ZMYND8: variants seen among roughly 807,000 people sequenced by gnomAD.
The protein encoded by ZMYND8 is MYND-type zinc finger-containing chromatin reader ZMYND8.
Under a neutral mutation model 140.8 loss-of-function variants are expected in ZMYND8, and 37 were observed. The observed-to-expected ratio is 0.26, with a 90% confidence interval of 0.20 to 0.35. The LOEUF is 0.35. Ranked by LOEUF, ZMYND8 falls within the 10% of genes least tolerant of loss-of-function variation. ZMYND8 has a pLI of 1.00. For synonymous variants in ZMYND8, 592 were observed against 597.1 expected (o/e 0.99, Z 0.12); for missense variants, 1,068 against 1,570.0 (o/e 0.68, Z 5.40).
At chr20:47,224,899 TA>T (rs140943292) in intron 18 of ZMYND8, among the ~76,000 whole-genome samples, 12,323 of 149,946 alleles carry the variant, frequency 0.082, 542 homozygotes, top group South Asian at 0.11. Flanking sequence ...TATTATTCAT[TA>T]ACATAAGCCT....
intron 3 of ZMYND8, among the ~76,000 whole-genome samples, chr20:47,306,472 T>C (rs989312771): frequency 2.0e-5 from 3 of 151,830 alleles, no homozygotes; most frequent in Non-Finnish European, 2.9e-5. Flanking sequence ...TCCTAATATA[T>C]GATAAATGGG....
chr20:47,212,571 A>T, intron 22 of ZMYND8, 71 bp downstream of exon 22: 2 of 1,526,330 alleles, frequency 1.3e-6, no homozygotes, highest in Non-Finnish European at 9.1e-7. Context: ...ATACACGGAC[A>T]CACACAGAAC....
Position 47,339,410 on chromosome 20 carries a change from A to G in ZMYND8, c.85+8446T>C, listed in dbSNP as rs549304156. Among the ~76,000 whole-genome samples, 13 of 152,318 alleles carry G rather than the reference A, an allele frequency of 8.5e-5. No individual in the cohort carries two copies. The South Asian group carries it at 2.7e-3, about 32-fold the overall frequency. The stretch of plus-strand genomic sequence containing the variant: ...ATTCTCACCACCTGACAGACCTAGC[A>G]ATAAAAATTCACTGTCTCTAAGTTG... On this transcript the variant is annotated intron_variant, in intron 2 of 22. Coordinates refer to ENST00000471951, the MANE Select transcript of ZMYND8 (RefSeq NM_001281775.3).
In ZMYND8 at chr20:47,316,858, G is replaced by A. The variant is rs1437774817; in HGVS notation, c.86-6654C>T. Among the ~76,000 whole-genome samples the A allele has an allele frequency of 2.0e-5, 3 of 151,928 alleles. No individual in the cohort carries two copies. In the East Asian group the frequency reaches 5.8e-4, roughly 29 times the overall value. ...TATTATATGTGATATTCTAGGCAATGTTCAAAATGCATTTCCTGTAGTCCC... is the reference window on the plus strand; with the variant it reads ...TATTATATGTGATATTCTAGGCAATATTCAAAATGCATTTCCTGTAGTCCC... On this transcript the variant is annotated intron_variant, in intron 2 of 22. Coordinates refer to ENST00000471951, the MANE Select transcript of ZMYND8 (RefSeq NM_001281775.3).
intron 5 of ZMYND8, among the ~76,000 whole-genome samples, chr20:47,292,907 A>T (rs1012077117): frequency 3.3e-5 from 5 of 151,400 alleles, no homozygotes; most frequent in East Asian, 1.9e-4. Context: ...ATAATAATAA[A>T]AAAGTTAGCT....
At chr20:47,278,413 T>C (rs998179100) in intron 10 of ZMYND8, among the ~76,000 whole-genome samples, 2 of 152,330 alleles carry the variant, frequency 1.3e-5, no homozygotes, top group South Asian at 4.1e-4. Context: ...ATCTACTCAG[T>C]TGCTATCCAA....
At chr20:47,217,253 G>T (rs556744250) in intron 21 of ZMYND8, among the ~76,000 whole-genome samples, 1 of 150,406 alleles carries the variant, frequency 6.6e-6, no homozygotes, top group African/African-American at 2.5e-5. Flanking sequence ...GCAGAGCCAC[G>T]CACAAGTGCC....
intron 2 of ZMYND8, among the ~76,000 whole-genome samples, chr20:47,345,942 G>A (rs1436432202): frequency 6.6e-6 from 1 of 152,070 alleles, no homozygotes; most frequent in African/African-American, 2.4e-5. Context: ...ATTGGCATGC[G>A]CCACTGTGCC....
At chr20:47,315,535 C>T (rs2079313846) in intron 2 of ZMYND8, among the ~76,000 whole-genome samples, 1 of 151,910 alleles carries the variant, frequency 6.6e-6, no homozygotes, top group African/African-American at 2.4e-5. Context: ...CTTAAATGCC[C>T]CCCACTCCAG....
At chr20:47,348,052 G>A (rs546540497) in intron 1 of ZMYND8, 126 bp from the exon 2 acceptor site, 9 of 911,876 alleles carry the variant, frequency 9.9e-6, no homozygotes, top group South Asian at 8.1e-5. Flanking sequence ...CCAGGGCTGG[G>A]GGAGGAAACC....
At chr20:47,310,012 C>T in intron 3 of ZMYND8, 44 bp downstream of exon 3, 10 of 1,613,252 alleles carry the variant, frequency 6.2e-6, no homozygotes, top group Non-Finnish European at 7.6e-6. Flanking sequence ...ACTAGCTGGC[C>T]TCTGTCCCAC....
intron 2 of ZMYND8, among the ~76,000 whole-genome samples, chr20:47,324,959 C>A (rs1351664234): frequency 6.6e-6 from 1 of 152,132 alleles, no homozygotes; most frequent in Non-Finnish European, 1.5e-5. Context: ...AGCTGGAGTA[C>A]AATGGTGTGA....
chr20:47,291,650 C>G (rs1326099937), intron 6 of ZMYND8, 146 bp downstream of exon 6: 1 of 476,234 alleles, frequency 2.1e-6, no homozygotes, highest in Non-Finnish European at 3.5e-6. Flanking sequence ...AAGAGTTCTT[C>G]TATCCAAATA....
chr20:47,337,378 A>C (rs2081468632), intron 2 of ZMYND8, among the ~76,000 whole-genome samples: 1 of 152,028 alleles, frequency 6.6e-6, no homozygotes, highest in African/African-American at 2.4e-5. Flanking sequence ...AATAAAATAA[A>C]TCAAAGGGCC....
At chr20:47,322,560 T>C (rs192648042) in intron 2 of ZMYND8, among the ~76,000 whole-genome samples, 3 of 151,142 alleles carry the variant, frequency 2.0e-5, no homozygotes, top group Admixed American at 6.6e-5. Flanking sequence ...CCTGCCTCAG[T>C]CTCCCAAGTA....
At chr20:47,238,587 CA>C (rs2039545763) in intron 15 of ZMYND8, 170 bp downstream of exon 15, 1 of 1,291,332 alleles carries the variant, frequency 7.7e-7, no homozygotes, top group Non-Finnish European at 1.1e-6. Context: ...AAGCAAGTAG[CA>C]AAACAATTTT....
intron 12 of ZMYND8, among the ~76,000 whole-genome samples, chr20:47,254,678 A>C (rs921694243): frequency 6.7e-6 from 1 of 149,224 alleles, no homozygotes; most frequent in Non-Finnish European, 1.5e-5. Context: ...GGGTTTCTCA[A>C]CAGTGGCACT....
chr20:47,295,247 G>C (rs1423826047), intron 4 of ZMYND8, among the ~76,000 whole-genome samples: 4 of 152,134 alleles, frequency 2.6e-5, no homozygotes, highest in African/African-American at 9.7e-5. Context: ...ACAAAAACTA[G>C]CCAGGCATGG....
chr20:47,239,598 A>G (rs1601143804), intron 14 of ZMYND8, among the ~76,000 whole-genome samples: 1 of 152,190 alleles, frequency 6.6e-6, no homozygotes, highest in African/African-American at 2.4e-5. Flanking sequence ...AGAAAGCAAT[A>G]CCTCCAAAGA....
Sources: gnomAD v4.1 joint callset for allele counts (sites outside exome capture counted in the v4.1 genomes callset) on GRCh38, gnomAD v4.1.1 for gene constraint, MANE v1.5 for transcripts, NCBI Gene and HGNC (gene_info 2026-07-23, HGNC 2026-07-21) for gene names.